MORF4L1: variants seen among roughly 807,000 people sequenced by gnomAD.
The protein encoded by MORF4L1 is mortality factor 4-like protein 1.
Under a neutral mutation model 52.9 loss-of-function variants are expected in MORF4L1, and 4 were observed. The ratio of observed to expected loss-of-function variants is 0.08; its 90% CI spans 0.04 to 0.17. The LOEUF is 0.17. Ranked by LOEUF, MORF4L1 falls within the 10% of genes least tolerant of loss-of-function variation. The pLI is 1.00. For missense variants in MORF4L1, 214 were observed against 390.4 expected (o/e 0.55, Z 3.81); for synonymous variants, 123 against 134.8 (o/e 0.91, Z 0.61).
intron 7 of MORF4L1, 138 bp from the exon 8 acceptor site, chr15:78,892,073 AT>A (rs1488449244): frequency 1.9e-6 from 1 of 519,988 alleles, no homozygotes; most frequent in African/African-American, 2.0e-5. Flanking sequence ...TTTATTAATG[AT>A]TTTAAAAAAT....
At chr15:78,874,200 G>T (rs1437460750) in intron 1 of MORF4L1, among the ~76,000 whole-genome samples, 1 of 152,218 alleles carries the variant, frequency 6.6e-6, no homozygotes, top group African/African-American at 2.4e-5. Flanking sequence ...CATTGCTATG[G>T]AAATTTATGC....
chr15:78,896,308 CTTTTTTTTTTT>C (rs71148578), intron 11 of MORF4L1, among the ~76,000 whole-genome samples: 15 of 81,448 alleles, frequency 1.8e-4, no homozygotes, highest in Admixed American at 5.0e-4. Flanking sequence ...CTTTTCTTTT[CTTTTTTTTTTT>C]TTTTTTTTTT....
intron 8 of MORF4L1, 42 bp downstream of exon 8, chr15:78,892,355 A>G (rs532320769): frequency 7.0e-7 from 1 of 1,428,308 alleles, no homozygotes; most frequent in Non-Finnish European, 9.8e-7. Context: ...TATATGATAC[A>G]TTCTTGCTAG....
intron 8 of MORF4L1, 38 bp downstream of exon 8, chr15:78,892,351 A>G: frequency 6.8e-7 from 1 of 1,460,844 alleles, no homozygotes; most frequent in Non-Finnish European, 9.6e-7. Context: ...AAGCTATATG[A>G]TACATTCTTG....
chr15:78,876,906 C>T (rs1441062369), intron 1 of MORF4L1, among the ~76,000 whole-genome samples: 2 of 151,878 alleles, frequency 1.3e-5, no homozygotes, highest in Admixed American at 6.6e-5. Flanking sequence ...TTTGGTGGGG[C>T]TTGAAAATAC....
chr15:78,895,815 A>G (rs541331627), intron 11 of MORF4L1, among the ~76,000 whole-genome samples: 37 of 152,316 alleles, frequency 2.4e-4, no homozygotes, highest in Middle Eastern at 3.4e-3. Context: ...TCTCATTACA[A>G]TCGTTTTACA....
chr15:78,893,466 T>A (rs1198891746), intron 8 of MORF4L1, 73 bp from the exon 9 acceptor site: 1 of 1,005,802 alleles, frequency 9.9e-7, no homozygotes, highest in African/African-American at 1.6e-5. Flanking sequence ...GATCTTTGTA[T>A]AAAAACTTGC....
chr15:78,874,629 T>C (rs1180323509), intron 1 of MORF4L1, among the ~76,000 whole-genome samples: 1 of 147,874 alleles, frequency 6.8e-6, no homozygotes, highest in Admixed American at 6.8e-5. Context: ...CGGGGTTTCA[T>C]GTTGCCCAGG....
rs555159624 is a variant in MORF4L1 at position 78,888,422 on chromosome 15, G to A, written c.323+1073G>A. ...GTCAAGGCTGCACTTTAGTCTTGGC[G>A]ACTGAGTGAGATCCTGTCTTTTAAA... On this transcript the variant is annotated intron_variant, in intron 5 of 11. Coordinates refer to ENST00000426013, the MANE Select transcript of MORF4L1 (RefSeq NM_006791.4). Among the ~76,000 whole-genome samples, 60 of 151,650 alleles carry A rather than the reference G, an allele frequency of 4.0e-4. 1 individual carries two copies. In the South Asian group the frequency reaches 5.8e-3, roughly 15 times the overall value.
intron 1 of MORF4L1, 191 bp downstream of exon 1, chr15:78,873,248 A>G: frequency 6.7e-7 from 1 of 1,502,290 alleles, no homozygotes. Context: ...CGCTTTGTGA[A>G]GCGAGAGTGC....
intron 9 of MORF4L1, 81 bp downstream of exon 9, chr15:78,893,708 C>A: frequency 1.1e-6 from 1 of 914,800 alleles, no homozygotes; most frequent in South Asian, 1.7e-5. Flanking sequence ...CTTGTACTGA[C>A]TCCGAAACAT....
intron 6 of MORF4L1, 141 bp downstream of exon 6, chr15:78,891,155 T>C (rs2056794774): frequency 1.9e-6 from 2 of 1,076,310 alleles, no homozygotes; most frequent in Non-Finnish European, 1.4e-6. Flanking sequence ...TGTTATAAAA[T>C]AGGTACATGG....
intron 2 of MORF4L1, 75 bp from the exon 3 acceptor site, chr15:78,880,427 GTAGAGTGTCT>G: frequency 1.1e-6 from 1 of 943,804 alleles, no homozygotes. Context: ...TAAAGCTTGT[GTAGAGTGTCT>G]TTGAAGGATG....
intron 11 of MORF4L1, among the ~76,000 whole-genome samples, chr15:78,896,561 G>A (rs2056893877): frequency 6.6e-6 from 1 of 151,928 alleles, no homozygotes; most frequent in African/African-American, 2.4e-5. Flanking sequence ...GCTTGCCTTG[G>A]CCTCCCAAAG....
In MORF4L1 at chr15:78,897,005, A is replaced by G. The variant is rs2056902219; in HGVS notation, c.910A>G (p.Thr304Ala). 4 of 1,613,218 alleles carry G rather than the reference A, an allele frequency of 2.5e-6. No individual in the cohort carries two copies. The highest frequency in any genetic ancestry group is 3.4e-6 in the Non-Finnish European group (4 of 1,179,614). Residue 304 changes from threonine (T) to alanine (A), a missense_variant, in exon 12 of 12, where the codon ACT becomes GCT. Around this residue, in one of 5 missense-constraint regions of MORF4L1, gnomAD observed 30 missense variants for 34.6 expected, o/e 0.87. Coordinates refer to ENST00000426013, the MANE Select transcript of MORF4L1 (RefSeq NM_006791.4). Reference protein sequence around the residue: ...FLKYLAKNSATLFSASDYEVA... With the variant: ...FLKYLAKNSAALFSASDYEVA... ...TAGGTACCTGGCAAAGAATTCTGCA[A>G]CTTTGTTCAGTGCCAGCGATTATGA...
chr15:78,873,178 G>C lies in MORF4L1; in HGVS notation c.40+121G>C, dbSNP rs1485256608. On this transcript the variant is annotated intron_variant, in intron 1 of 11. Coordinates refer to ENST00000426013, the MANE Select transcript of MORF4L1 (RefSeq NM_006791.4). The stretch of plus-strand genomic sequence containing the variant: ...CTGCGCCCTGAGAAGGCGGCGGTCA[G>C]TGCTTTGTGCGGGGAAAGCGCATTG... 3.3e-6 allele frequency: 5 copies of C among 1,523,932 alleles called. No individual in the cohort carries two copies. The African/African-American group carries it at 4.2e-5, about 13-fold the overall frequency. The allele number at this position is 1,523,932 out of a possible 1,614,324, so 94.4% of individuals were successfully genotyped here. A position where few individuals can be genotyped will look rare whatever the true frequency, so the allele number is the denominator to read the frequency against.
chr15:78,892,433 A>G (rs2056816871), intron 8 of MORF4L1, 120 bp downstream of exon 8: 1 of 590,690 alleles, frequency 1.7e-6, no homozygotes, highest in East Asian at 2.9e-5. Flanking sequence ...ATAAAATAAT[A>G]TTTTAATTTA....
At chr15:78,891,086 A>G (rs2056793419) in intron 6 of MORF4L1, 72 bp downstream of exon 6, 11 of 1,424,582 alleles carry the variant, frequency 7.7e-6, no homozygotes, top group South Asian at 1.2e-5. Context: ...TTTGAAAGCT[A>G]TGAAATTTTG....
intron 3 of MORF4L1, among the ~76,000 whole-genome samples, chr15:78,881,966 C>T (rs1219901968): frequency 6.6e-6 from 1 of 152,136 alleles, no homozygotes; most frequent in African/African-American, 2.4e-5. Flanking sequence ...TCATCTAGTA[C>T]TCTATCCAGG....
Sources: gnomAD v4.1 joint callset for allele counts (sites outside exome capture counted in the v4.1 genomes callset) on GRCh38, gnomAD v4.1.1 for gene constraint, gnomAD v4.1.1 regional missense constraint, MANE v1.5 for transcripts, NCBI Gene and HGNC (gene_info 2026-07-23, HGNC 2026-07-21) for gene names.